Variants in SHE observed in about 807,000 individuals in gnomAD.
The protein encoded by SHE is Src homology 2 domain containing E.
Under a neutral mutation model 49.8 loss-of-function variants are expected in SHE, and 11 were observed. The ratio of observed to expected loss-of-function variants is 0.22; its 90% confidence interval spans 0.14 to 0.37. The LOEUF (loss-of-function observed/expected upper bound fraction) is 0.37, where lower values mean the gene tolerates loss of function less well. Among genes scored for constraint, SHE ranks in the 10% least tolerant of loss-of-function variants. The probability of loss-of-function intolerance (pLI) is 1.00; values close to 1 mark genes in which losing one functional copy is unlikely to be tolerated. For synonymous variants in SHE, 310 were observed against 278.1 expected (o/e 1.11, Z -1.14); for missense variants, 624 against 655.5 (o/e 0.95, Z 0.52).
chr1:154,498,983 G>T, intron 2 of SHE, 129 bp downstream of exon 2: 1 of 1,225,636 alleles, frequency 8.2e-7, no homozygotes, highest in Non-Finnish European at 1.1e-6. Flanking sequence ...TCTAATTTCT[G>T]TTTCTTCAAG....
rs1266575861 is a variant in SHE at position 154,480,727 on chromosome 1, C to G, written c.*3422G>C. On this transcript the variant is annotated 3_prime_UTR_variant, in exon 6 of 6. Coordinates refer to ENST00000304760, the MANE Select transcript of SHE (RefSeq NM_001010846.3). ...AGAGAGTAGATATATCAATATTTAC[C>G]TTTTTGTATACATATTAACACTTCT... 1.0e-6 allele frequency: 1 copy of G among 985,124 alleles called. No homozygotes were observed. The highest frequency in any genetic ancestry group is 1.7e-5 in the African/African-American group (1 of 57,150). The allele number at this position is 985,124 out of a possible 1,614,324, so 61.0% of individuals were successfully genotyped here.
chr1:154,488,361 C>T (rs1347342145), intron 3 of SHE, among the ~76,000 whole-genome samples: 1 of 151,812 alleles, frequency 6.6e-6, no homozygotes, highest in Non-Finnish European at 1.5e-5. Context: ...CAGGTTCAAG[C>T]TATTCTTCTG....
At position 154,479,961 on chromosome 1, in the gene SHE, C is replaced by T. The variant is rs1413716411; in HGVS notation, c.*4188G>A. The T allele has an allele frequency of 1.0e-6, 1 of 985,308 alleles. No homozygotes were observed. The highest frequency in any genetic ancestry group is 1.7e-5 in the African/African-American group (1 of 57,228). The allele number at this position is 985,308 out of a possible 1,614,324, so 61.0% of individuals were successfully genotyped here. A position where few individuals can be genotyped will look rare whatever the true frequency, so the allele number is the denominator to read the frequency against. On this transcript the variant is annotated 3_prime_UTR_variant, in exon 6 of 6. Transcript: ENST00000304760. ...CAGAAATCCTTCAGAAAGCCCTACC[C>T]TTAAATGCACAGCTGCTTTTCCCAA...
intron 2 of SHE, among the ~76,000 whole-genome samples, chr1:154,492,509 C>T (rs907863863): frequency 1.3e-5 from 2 of 152,196 alleles, no homozygotes; most frequent in Non-Finnish European, 2.9e-5. Context: ...CTGGCCCCCA[C>T]CCCCAGGCCA....
chr1:154,477,435 C>T (rs937988566), downstream of SHE, among the ~76,000 whole-genome samples: 3 of 152,038 alleles, frequency 2.0e-5, no homozygotes, highest in South Asian at 2.1e-4. Context: ...CGAACTCCTT[C>T]GCTCAAGTGA....
Position 154,501,754 on chromosome 1 carries a change from G to A in SHE, c.273C>T (p.Ser91=), listed in dbSNP as rs1484032904. The change falls in exon 1 of 6, where the codon AGC becomes AGT. Residue 91 remains serine, a synonymous_variant. Transcript: ENST00000304760. The stretch of plus-strand genomic sequence containing the variant: ...CCTTGGGGCCGACGCCGGCCCTGCC[G>A]CTCCCCAGCTCGGCCGCCGAGTTCT... ...GRKNSAAELG[S]GRAGVGPKDS... 3 of 1,569,390 alleles carry A rather than the reference G, an allele frequency of 1.9e-6. No homozygotes were observed. The highest frequency in any genetic ancestry group is 2.6e-6 in the Non-Finnish European group (3 of 1,163,060).
Position 154,499,225 on chromosome 1 carries a change from T to G in SHE, c.605A>C (p.Glu202Ala), listed in dbSNP as rs1260607210. 6.2e-7 allele frequency: 1 copy of G among 1,613,224 alleles called. No individual in the cohort carries two copies. Among genetic ancestry groups the G allele is most frequent in the Middle Eastern group, 1.7e-4 (1 of 6,060 alleles). ...IKQQETVIIL[E>A]DYADPYDAKR... ...GGCATCATAAGGGTCAGCATAGTCTTCTAAAATGATGACCTGAAAAAGAAC... is the reference window on the plus strand; with the variant it reads ...GGCATCATAAGGGTCAGCATAGTCTGCTAAAATGATGACCTGAAAAAGAAC... The change falls in exon 2 of 6, where the codon GAA (glutamate) becomes GCA (alanine). Residue 202 changes from glutamate (E) to alanine (A), a missense_variant. Physicochemically the swap from Glu to Ala is moderately radical, Grantham distance 107. This residue lies in a region of SHE where 337 missense variants were observed against 306.0 expected (regional missense o/e 1.10). Transcript: ENST00000304760.
chr1:154,482,490 C>A lies in SHE; in HGVS notation c.*1659G>T, dbSNP rs555554245. On this transcript the variant is annotated 3_prime_UTR_variant, in exon 6 of 6. Transcript: ENST00000304760. ...ACTAGTAACTACAAAGGTATACTTTCCTAAAAAATTAACCAAATCAACATT... is the reference window on the plus strand; with the variant it reads ...ACTAGTAACTACAAAGGTATACTTTACTAAAAAATTAACCAAATCAACATT... 1.0e-6 allele frequency: 1 copy of A among 985,342 alleles called. No homozygotes were observed. The highest frequency in any genetic ancestry group is 1.7e-5 in the African/African-American group (1 of 57,342). The allele number at this position is 985,342 out of a possible 1,614,324, so 61.0% of individuals were successfully genotyped here. A position where few individuals can be genotyped will look rare whatever the true frequency, so the allele number is the denominator to read the frequency against.
At chr1:154,497,133 G>A (rs542968724) in intron 2 of SHE, among the ~76,000 whole-genome samples, 3 of 152,298 alleles carry the variant, frequency 2.0e-5, no homozygotes, top group East Asian at 1.9e-4. Context: ...CTCCCCACAC[G>A]GAGGGCCTTA....
intron 1 of SHE, among the ~76,000 whole-genome samples, chr1:154,499,520 T>C (rs1000485114): frequency 1.3e-5 from 2 of 152,150 alleles, no homozygotes; most frequent in African/African-American, 4.8e-5. Flanking sequence ...TTTTCTGGGT[T>C]AGAGGGTGGC....
In SHE at chr1:154,489,092, G is replaced by A; in HGVS notation, c.983C>T (p.Pro328Leu). 1 of 1,608,824 alleles carries A rather than the reference G, an allele frequency of 6.2e-7. No individual in the cohort carries two copies. Among genetic ancestry groups the A allele is most frequent in the South Asian group, 1.1e-5 (1 of 90,796 alleles). ...GATCTGCTCCTTCTTCCACTCCCAT[G>A]GCTGCTCGTACTCTGCCGCGGGCCT... The part of the protein sequence containing the change: ...DERPAAEYEQ[P>L]WEWKKEQIVR... The change falls in exon 3 of 6, where the codon CCA (proline) becomes CTA (leucine). Residue 328 changes from proline to leucine, a missense_variant. Coordinates refer to ENST00000304760, the MANE Select transcript of SHE (RefSeq NM_001010846.3).
chr1:154,470,489 G>T, intron 1 of SHE: 1 of 932,168 alleles, frequency 1.1e-6, no homozygotes, highest in Non-Finnish European at 1.5e-6. Flanking sequence ...GGCAGGGGCA[G>T]GAAACAGTGT....
intron 3 of SHE, 45 bp downstream of exon 3, chr1:154,489,006 G>T: frequency 6.6e-7 from 1 of 1,513,858 alleles, no homozygotes; most frequent in Admixed American, 2.3e-5. Flanking sequence ...GCGGTGGCCA[G>T]AAGACTGAAG....
At position 154,498,717 on chromosome 1, in the gene SHE, T is replaced by C. The variant is rs143549857; in HGVS notation, c.718+395A>G. Among the ~76,000 whole-genome samples the C allele has an allele frequency of 2.9e-3, 444 of 152,300 alleles. 3 individuals carry two copies. The highest frequency in any genetic ancestry group is 0.01 in the Middle Eastern group (3 of 294). ...GGCCATCCTTGCATTTTTTAATAGATTAAAATCCCTTAAGTATGTATTTGC... is the reference window on the plus strand; with the variant it reads ...GGCCATCCTTGCATTTTTTAATAGACTAAAATCCCTTAAGTATGTATTTGC... On this transcript the variant is annotated intron_variant, in intron 2 of 5. Transcript: ENST00000304760.
Position 154,482,763 on chromosome 1 carries a change from T to G in SHE, c.*1386A>C. ...ATAAAGATCCTAATACTATGAATCT[T>G]AAGTAATGGTATTTAAGAGAAAACC... On this transcript the variant is annotated 3_prime_UTR_variant, in exon 6 of 6. Transcript: ENST00000304760. 1.0e-6 allele frequency: 1 copy of G among 985,280 alleles called. No homozygotes were observed. The highest frequency in any genetic ancestry group is 1.2e-6 in the Non-Finnish European group (1 of 829,786). 61.0% of individuals were successfully genotyped at this position (985,280 alleles called of 1,614,324 possible).
At chr1:154,470,221 G>A (rs1267705930) in exon 2 of SHE, 11 of 981,838 alleles carry the variant, frequency 1.1e-5, no homozygotes, top group East Asian at 6.1e-5. Flanking sequence ...GCCAGGCTGC[G>A]TGGGCCATGG....
chr1:154,478,635 G>A (rs1691943491), downstream of SHE, among the ~76,000 whole-genome samples: 1 of 152,098 alleles, frequency 6.6e-6, no homozygotes, highest in Admixed American at 6.6e-5. Context: ...CAGCACACCT[G>A]GTGCGGAAAA....
chr1:154,501,529 G>C lies in SHE; in HGVS notation c.498C>G (p.Ser166Arg). Residue 166 changes from serine to arginine, a missense_variant, in exon 1 of 6, where the codon AGC (serine) becomes AGG (arginine). Ser to Arg is a moderately radical substitution (Grantham distance 110). Around this residue, in one of 4 missense-constraint regions of SHE, gnomAD observed 337 missense variants for 306.0 expected, o/e 1.10. Coordinates refer to ENST00000304760, the MANE Select transcript of SHE (RefSeq NM_001010846.3). The part of the protein sequence containing the change: ...NGKSNYPSSS[S>R]SSSSSSSSAS... ...CGGAGGAAGAGGAGCTGGAGCTGGA[G>C]CTACTGCTGCTGGGGTAGTTGCTCT... The C allele has an allele frequency of 6.2e-7, 1 of 1,614,204 alleles. No homozygotes were observed. Among genetic ancestry groups the C allele is most frequent in the Non-Finnish European group, 8.5e-7 (1 of 1,180,016 alleles).
Position 154,470,240 on chromosome 1 carries a change from C to T in SHE, c.*101G>A, listed in dbSNP as rs551192733. 159 of 1,183,410 alleles carry T rather than the reference C, an allele frequency of 1.3e-4. No individual in the cohort carries two copies. The African/African-American group carries it at 1.6e-3, about 12-fold the overall frequency. The allele number at this position is 1,183,410 out of a possible 1,614,324, so 73.3% of individuals were successfully genotyped here. A position where few individuals can be genotyped will look rare whatever the true frequency, so the allele number is the denominator to read the frequency against. On this transcript the variant is annotated 3_prime_UTR_variant, in exon 2 of 2. Transcript: ENST00000486773. ...GGCTGCGTGGGCCATGGAGGGGGCA[C>T]GGGAGTGGGCACTGGAGCCAGGACG...
Sources: gnomAD v4.1 joint callset for allele counts (sites outside exome capture counted in the v4.1 genomes callset) on GRCh38, gnomAD v4.1.1 for gene constraint, gnomAD v4.1.1 regional missense constraint, MANE v1.5 for transcripts, NCBI Gene and HGNC (gene_info 2026-07-23, HGNC 2026-07-21) for gene names.